Variants in IGF2R observed in about 807,000 individuals in gnomAD.
IGF2R encodes cation-independent mannose-6-phosphate receptor.
Under a neutral mutation model 270.6 loss-of-function variants are expected in IGF2R, and 91 were observed. That is an observed-to-expected ratio of 0.34 (90% CI 0.28 to 0.40). The LOEUF (loss-of-function observed/expected upper bound fraction) is 0.40. Ranked by LOEUF, IGF2R falls within the 10% of genes least tolerant of loss-of-function variation. The probability of loss-of-function intolerance (pLI) is 1.00; values close to 1 mark genes in which losing one functional copy is unlikely to be tolerated. For synonymous variants in IGF2R, 1,316 were observed against 1,258.9 expected (o/e 1.05, Z -0.96); for missense variants, 2,805 against 3,188.3 (o/e 0.88, Z 2.90).
intron 1 of IGF2R, among the ~76,000 whole-genome samples, chr6:159,975,202 T>G (rs1783671051): frequency 6.6e-6 from 1 of 152,154 alleles, no homozygotes; most frequent in Non-Finnish European, 1.5e-5. Context: ...GTTCCCAGAG[T>G]GCCTCTTTGG....
chr6:160,009,068 C>A lies in IGF2R; in HGVS notation c.348C>A (p.Ser116Arg), dbSNP rs747569344. The change falls in exon 3 of 48, where the codon AGC (serine) becomes AGA (arginine). Residue 116 changes from serine to arginine, a missense_variant. By Grantham distance (110) the Ser-to-Arg change is moderately radical. Around this residue, in one of 2 missense-constraint regions of IGF2R, gnomAD observed 954 missense variants for 981.1 expected, o/e 0.97. Transcript: ENST00000356956. ...RSLLEFNTTV[S>R]CDQQGTNHRV... is the part of the protein sequence containing the mutation. ...TCCTGGAATTCAACACAACAGTGAG[C>A]TGTGACCAGCAAGGCACAAATCACA... 6.2e-7 allele frequency: 1 copy of A among 1,613,742 alleles called. No homozygotes were observed. The highest frequency in any genetic ancestry group is 2.2e-5 in the East Asian group (1 of 44,868).
intron 4 of IGF2R, among the ~76,000 whole-genome samples, chr6:160,011,894 A>G (rs1207991517): frequency 1.3e-5 from 2 of 152,184 alleles, no homozygotes; most frequent in Non-Finnish European, 2.9e-5. Context: ...GTTTTTAAGA[A>G]CTTTCAAAGG....
chr6:160,014,512 G>T (rs766832564), intron 4 of IGF2R, among the ~76,000 whole-genome samples: 6 of 152,196 alleles, frequency 3.9e-5, no homozygotes, highest in Non-Finnish European at 8.8e-5. Context: ...TACCTGCCCC[G>T]AGCAGGGTGC....
At chr6:160,025,447 A>G (rs1005746171) in intron 5 of IGF2R, among the ~76,000 whole-genome samples, 6 of 152,182 alleles carry the variant, frequency 3.9e-5, no homozygotes, top group Admixed American at 2.0e-4. Flanking sequence ...TTATTTCTCA[A>G]ATAGTACATA....
At chr6:160,099,800 G>C (rs1370011920) in intron 45 of IGF2R, among the ~76,000 whole-genome samples, 1 of 152,224 alleles carries the variant, frequency 6.6e-6, no homozygotes, top group East Asian at 1.9e-4. Flanking sequence ...CTGGACAACA[G>C]TGGTGTCTAA....
chr6:159,984,718 CA>C (rs1407465670), intron 1 of IGF2R, among the ~76,000 whole-genome samples: 1 of 152,182 alleles, frequency 6.6e-6, no homozygotes, highest in Admixed American at 6.5e-5. Context: ...AGAATTGCCT[CA>C]TGACACATTT....
Position 160,050,681 on chromosome 6 carries a change from T to G in IGF2R, c.2694+29T>G, listed in dbSNP as rs1216519769. ...AGGCACTGCTGCTGGCTGGTGACCT[T>G]CACTGCTGCATTTTTTGACTGAGCG... On this transcript the variant is annotated intron_variant, in intron 19 of 47. Transcript: ENST00000356956. This position sits in a 1 kb window ranked among gnomAD's most constrained non-coding sequence, Gnocchi z 4.0. The G allele has an allele frequency of 6.4e-7, 1 of 1,571,616 alleles. No individual in the cohort carries two copies. Among genetic ancestry groups the G allele is most frequent in the Admixed American group, 1.8e-5 (1 of 56,384 alleles).
chr6:160,081,865 A>G (rs1434546883), intron 39 of IGF2R, among the ~76,000 whole-genome samples: 2 of 152,204 alleles, frequency 1.3e-5, no homozygotes, highest in Non-Finnish European at 2.9e-5. Context: ...TTCCTTGAAA[A>G]TCACTGTTAT....
At chr6:159,988,440 G>A (rs1321159491) in intron 1 of IGF2R, among the ~76,000 whole-genome samples, 1 of 150,566 alleles carries the variant, frequency 6.6e-6, no homozygotes, top group Non-Finnish European at 1.5e-5. Context: ...GTGAACCCGG[G>A]AGGTGGAGCT....
Position 160,107,352 on chromosome 6 carries a change from C to A in IGF2R, c.*2268C>A, listed in dbSNP as rs1265651182. On this transcript the variant is annotated 3_prime_UTR_variant, in exon 48 of 48. Coordinates refer to ENST00000356956, the MANE Select transcript of IGF2R (RefSeq NM_000876.4). Reference sequence around the variant, plus strand: ...TGGCAAAAAGGCATGTTGTCTGCACCACTGGCTGCCTGCTAATGTCGCTGT... The same window carrying A: ...TGGCAAAAAGGCATGTTGTCTGCACAACTGGCTGCCTGCTAATGTCGCTGT... The A allele has an allele frequency of 6.6e-6, 1 of 152,254 alleles. No homozygotes were observed. The highest frequency in any genetic ancestry group is 2.4e-5 in the African/African-American group (1 of 41,464). The allele number at this position is 152,254 out of a possible 1,614,324, so 9.4% of individuals were successfully genotyped here.
In IGF2R at chr6:159,997,516, G is replaced by A. The variant is rs188938239; in HGVS notation, c.289+6193G>A. 1.1e-3 allele frequency among the ~76,000 whole-genome samples: 165 copies of A among 152,276 alleles called. 2 individuals are homozygous for A. The highest frequency in any genetic ancestry group is 3.8e-3 in the African/African-American group (158 of 41,562). On this transcript the variant is annotated intron_variant, in intron 2 of 47. Transcript: ENST00000356956. ...CCCGCACCAGTGTTTGGGTTTGTGA[G>A]GGCAGAAAAGCTCTCCCACAGTTCG...
chr6:159,969,227 C>A lies in IGF2R; in HGVS notation c.-20C>A. 4.0e-6 allele frequency: 4 copies of A among 989,288 alleles called. No homozygotes were observed. Among genetic ancestry groups the A allele is most frequent in the Non-Finnish European group, 4.8e-6 (4 of 833,430 alleles). The allele number at this position is 989,288 out of a possible 1,614,324, so 61.3% of individuals were successfully genotyped here. A position where few individuals can be genotyped will look rare whatever the true frequency, so the allele number is the denominator to read the frequency against. On this transcript the variant is annotated 5_prime_UTR_variant, in exon 1 of 48. Transcript: ENST00000356956. ...CGCGCCGTTAGCCTCGCGCCCGCCGCGCAGTCCGGGCCCGGCGCGATGGGG... is the reference window on the plus strand; with the variant it reads ...CGCGCCGTTAGCCTCGCGCCCGCCGAGCAGTCCGGGCCCGGCGCGATGGGG...
In IGF2R at chr6:160,059,020, G is replaced by T. The variant is rs768304274; in HGVS notation, c.3013G>T (p.Val1005Phe). Residue 1005 changes from valine (V) to phenylalanine (F), a missense_variant, in exon 22 of 48, where the codon GTC becomes TTC. Val to Phe is a conservative substitution (Grantham distance 50). Coordinates refer to ENST00000356956, the MANE Select transcript of IGF2R (RefSeq NM_000876.4). ...CAAGAATTGGAAGCCAGCAAGGCCA[G>T]TCGGAATTGAGAAAAGCCTCCAGCT... Reference protein sequence around the residue: ...ELKNWKPARPVGIEKSLQLST... With the variant: ...ELKNWKPARPFGIEKSLQLST... 4 of 1,614,130 alleles carry T rather than the reference G, an allele frequency of 2.5e-6. No individual in the cohort carries two copies. Among genetic ancestry groups the T allele is most frequent in the Non-Finnish European group, 3.4e-6 (4 of 1,180,050 alleles).
intron 1 of IGF2R, among the ~76,000 whole-genome samples, chr6:159,984,787 A>G (rs1227217560): frequency 1.3e-5 from 2 of 152,190 alleles, no homozygotes; most frequent in Admixed American, 6.5e-5. Context: ...ATCAGCAGTT[A>G]CACTTCCTGA....
intron 39 of IGF2R, among the ~76,000 whole-genome samples, chr6:160,083,736 C>G (rs1779035363): frequency 6.6e-6 from 1 of 152,198 alleles, no homozygotes; most frequent in Non-Finnish European, 1.5e-5. Context: ...ATCCCTTAAA[C>G]CTTAATTTTA....
chr6:160,064,571 C>G, intron 28 of IGF2R, 40 bp downstream of exon 28: 1 of 1,605,406 alleles, frequency 6.2e-7, no homozygotes, highest in Non-Finnish European at 8.5e-7. Flanking sequence ...GTCTTCTCCC[C>G]ACCCTCAGGC....
chr6:160,030,478 A>G (rs1583269522), intron 7 of IGF2R, among the ~76,000 whole-genome samples: 1 of 152,118 alleles, frequency 6.6e-6, no homozygotes, highest in Admixed American at 6.6e-5. Flanking sequence ...TCAGCTTTCC[A>G]CTTTCTGTCC....
chr6:160,040,505 G>A (rs756351431), intron 10 of IGF2R, 55 bp from the exon 11 acceptor site: 10 of 1,500,062 alleles, frequency 6.7e-6, no homozygotes, highest in Non-Finnish European at 9.3e-6. Flanking sequence ...CTCCTTAGCT[G>A]TTCCTCAATT....
rs1317916733 is a variant in IGF2R, at chr6:160,110,005, G to A, written c.*4921G>A. On this transcript the variant is annotated 3_prime_UTR_variant, in exon 48 of 48. Transcript: ENST00000356956. Reference sequence around the variant, plus strand: ...GTTTTGCAAAAAATGAAAAGGACCTGAGCTCTAATAAGTTTGGGAAATGCT... The same window carrying A: ...GTTTTGCAAAAAATGAAAAGGACCTAAGCTCTAATAAGTTTGGGAAATGCT... 1 of 152,230 alleles carries A rather than the reference G, an allele frequency of 6.6e-6. No individual in the cohort carries two copies. The highest frequency in any genetic ancestry group is 1.5e-5 in the Non-Finnish European group (1 of 68,044). The allele number at this position is 152,230 out of a possible 1,614,324, so 9.4% of individuals were successfully genotyped here. A position where few individuals can be genotyped will look rare whatever the true frequency, so the allele number is the denominator to read the frequency against.
Sources: allele counts gnomAD v4.1 joint callset (sites outside exome capture counted in the v4.1 genomes callset), GRCh38; gene constraint gnomAD v4.1.1; regional missense constraint gnomAD v4.1.1; non-coding constraint Gnocchi (gnomAD v3.1); transcripts MANE v1.5; gene names NCBI Gene and HGNC (gene_info 2026-07-23, HGNC 2026-07-21).